Variants in ANK2 observed in about 807,000 individuals in gnomAD.
ANK2 encodes ankyrin-2.
ANK2 carries 83 observed loss-of-function variants against 360.5 expected under a neutral mutation model. That is an observed-to-expected ratio of 0.23 (90% CI 0.19 to 0.28). ANK2 has a LOEUF of 0.28. ANK2 is among the 10% of genes least tolerant of loss of function. The pLI is 1.00. For synonymous variants in ANK2, 1,740 were observed against 1,759.5 expected, an observed-to-expected ratio of 0.99 and a Z score of 0.28; for missense variants, 4,201 against 4,795.7, an observed-to-expected ratio of 0.88 and a Z score of 3.66.
chr4:113,199,254 A>G, intron 4 of ANK2, 145 bp downstream of exon 4: 2 of 684,116 alleles, frequency 2.9e-6, no homozygotes, highest in Non-Finnish European at 4.9e-6. Flanking sequence ...AATTTTATTA[A>G]CCTTTATGAT....
chr4:113,156,603 T>A (rs887382387), intron 1 of ANK2, among the ~76,000 whole-genome samples: 2 of 151,922 alleles, frequency 1.3e-5, no homozygotes, highest in East Asian at 3.9e-4. Flanking sequence ...GCTCAAATGA[T>A]CTGTCTTCCT....
intron 2 of ANK2, among the ~76,000 whole-genome samples, chr4:112,908,306 T>G (rs2085949269): frequency 6.6e-6 from 1 of 152,192 alleles, no homozygotes; most frequent in Non-Finnish European, 1.5e-5. Flanking sequence ...AAATGGAGGC[T>G]CATAGAGGTT....
chr4:112,784,568 C>A, the ANK2 span, among the ~76,000 whole-genome samples: 1 of 151,870 alleles, frequency 6.6e-6, no homozygotes, highest in Non-Finnish European at 1.5e-5. Flanking sequence ...TGGTCTCGAT[C>A]TCCTGACCTC....
intron 2 of ANK2, among the ~76,000 whole-genome samples, chr4:113,179,010 CTT>C (rs1039285931): frequency 6.6e-6 from 1 of 152,146 alleles, no homozygotes; most frequent in African/African-American, 2.4e-5. Flanking sequence ...ATAAAAATAA[CTT>C]TATTCATAGG....
At chr4:112,788,625 T>C in the ANK2 span, 5 of 1,600,390 alleles carry the variant, frequency 3.1e-6, no homozygotes, top group African/African-American at 1.3e-5. Flanking sequence ...GTCCAGGGCC[T>C]GGGTGAACTG....
chr4:112,815,340 A>C (rs1021289433), upstream of ANK2, among the ~76,000 whole-genome samples: 9 of 152,244 alleles, frequency 5.9e-5, no homozygotes, highest in Admixed American at 5.9e-4. Flanking sequence ...ACTTGAACAT[A>C]ATAGGTGTTC....
At chr4:113,306,568 C>G (rs1223631713) in intron 23 of ANK2, among the ~76,000 whole-genome samples, 2 of 152,082 alleles carry the variant, frequency 1.3e-5, no homozygotes, top group Non-Finnish European at 2.9e-5. Context: ...TGAGAAGAAC[C>G]TGGAAGGAAG....
chr4:112,798,272 A>G, the ANK2 span: 2 of 152,216 alleles, frequency 1.3e-5, no homozygotes, highest in African/African-American at 4.8e-5. Context: ...TGAATGACAG[A>G]AATAGTTTTT....
intron 2 of ANK2, among the ~76,000 whole-genome samples, chr4:112,934,169 T>G (rs1165250827): frequency 1.3e-5 from 2 of 152,156 alleles, no homozygotes; most frequent in African/African-American, 4.8e-5. Flanking sequence ...AATTAGAAGG[T>G]TTGGAATCAG....
the ANK2 span, among the ~76,000 whole-genome samples, chr4:112,795,200 G>A: frequency 3.3e-5 from 5 of 152,274 alleles, no homozygotes; most frequent in East Asian, 5.8e-4. Context: ...AAGAGAGATT[G>A]AGATTACCAC....
chr4:112,750,320 C>T, the ANK2 span, among the ~76,000 whole-genome samples: 225 of 151,990 alleles, frequency 1.5e-3, 1 homozygote, highest in African/African-American at 5.0e-3. Context: ...AAGATCGCCC[C>T]GCTGCACTCC....
At chr4:112,830,225 A>G (rs974607708) in intron 1 of ANK2, among the ~76,000 whole-genome samples, 1 of 152,238 alleles carries the variant, frequency 6.6e-6, no homozygotes, top group African/African-American at 2.4e-5. Context: ...CACTACTCAC[A>G]ACAGCAAAGA....
At chr4:113,099,110 T>C (rs2092308926) in intron 1 of ANK2, among the ~76,000 whole-genome samples, 1 of 151,978 alleles carries the variant, frequency 6.6e-6, no homozygotes, top group African/African-American at 2.4e-5. Flanking sequence ...AGTAAAAATG[T>C]TTTCTCTTAC....
intron 2 of ANK2, among the ~76,000 whole-genome samples, chr4:112,924,924 C>T (rs774562629): frequency 2.6e-5 from 4 of 151,260 alleles, no homozygotes; most frequent in Admixed American, 1.3e-4. Flanking sequence ...TTGCAAGCTC[C>T]ACCTCCCCGG....
intron 14 of ANK2, among the ~76,000 whole-genome samples, chr4:113,273,647 C>T (rs970093786): frequency 5.9e-5 from 9 of 152,280 alleles, no homozygotes; most frequent in African/African-American, 2.2e-4. Flanking sequence ...ACTAAAGTTA[C>T]ACTCAATTTT....
At chr4:113,292,049 A>G (rs1333909981) in intron 20 of ANK2, among the ~76,000 whole-genome samples, 1 of 152,190 alleles carries the variant, frequency 6.6e-6, no homozygotes, top group African/African-American at 2.4e-5. Context: ...AATCACAGAT[A>G]ATGCTGTTTT....
At chr4:113,330,855 A>G (rs1228981876) in intron 27 of ANK2, among the ~76,000 whole-genome samples, 1 of 152,240 alleles carries the variant, frequency 6.6e-6, no homozygotes, top group East Asian at 1.9e-4. Flanking sequence ...TCATACAGTT[A>G]TGAAACAGAA....
At chr4:113,220,904 C>T (rs2099143309) in intron 4 of ANK2, among the ~76,000 whole-genome samples, 1 of 152,232 alleles carries the variant, frequency 6.6e-6, no homozygotes, top group African/African-American at 2.4e-5. Context: ...CAGCACAATG[C>T]TGATTTCTAT....
intron 22 of ANK2, among the ~76,000 whole-genome samples, chr4:113,296,734 G>T (rs2071703341): frequency 6.6e-6 from 1 of 152,134 alleles, no homozygotes; most frequent in Non-Finnish European, 1.5e-5. Flanking sequence ...CTACATGTTT[G>T]CCAGAATGGA....
Sources: allele counts gnomAD v4.1 joint callset (sites outside exome capture counted in the v4.1 genomes callset), GRCh38; gene constraint gnomAD v4.1.1; transcripts MANE v1.5; gene names NCBI Gene and HGNC (gene_info 2026-07-23, HGNC 2026-07-21).